The following XYLT1 variants were observed in gnomAD, a reference collection of about 807,000 sequenced individuals.
XYLT1 encodes xylosyltransferase 1.
In XYLT1, 36 loss-of-function variants were observed where a neutral mutation model predicts 91.3. The observed-to-expected ratio is 0.39, with a 90% CI of 0.30 to 0.52. The LOEUF is 0.52. XYLT1 is among the 20% of genes least tolerant of loss of function. The pLI is 0.68. For synonymous variants in XYLT1, 588 were observed against 532.0 expected, an observed-to-expected ratio of 1.11 and a Z score of -1.45; for missense variants, 1,242 against 1,284.5, an observed-to-expected ratio of 0.97 and a Z score of 0.51.
At chr16:17,346,833 T>C (rs560687059) in intron 2 of XYLT1, among the ~76,000 whole-genome samples, 38 of 152,332 alleles carry the variant, frequency 2.5e-4, no homozygotes, top group African/African-American at 9.1e-4. Context: ...ACTGCATTTC[T>C]GTCCTCGACC....
intron 2 of XYLT1, chr16:17,355,498 G>A (rs1332072882): frequency 6.6e-6 from 1 of 152,148 alleles, no homozygotes; most frequent in Non-Finnish European, 1.5e-5. Flanking sequence ...GGTAGACTGG[G>A]TAGAGACACG....
chr16:17,126,212 C>G (rs2030255393), intron 10 of XYLT1, among the ~76,000 whole-genome samples: 1 of 152,312 alleles, frequency 6.6e-6, no homozygotes, highest in African/African-American at 2.4e-5. Context: ...GACCATCCCC[C>G]AAAAGCACTA....
chr16:17,440,414 T>C (rs1199337953), intron 1 of XYLT1, among the ~76,000 whole-genome samples: 2 of 152,212 alleles, frequency 1.3e-5, no homozygotes, highest in Non-Finnish European at 2.9e-5. Context: ...GGATGAGAAT[T>C]TTCATGTACA....
chr16:17,235,625 G>C (rs929067388), intron 3 of XYLT1, among the ~76,000 whole-genome samples: 3 of 152,346 alleles, frequency 2.0e-5, no homozygotes, highest in Non-Finnish European at 4.4e-5. Context: ...AGGATACTGA[G>C]TGGGGAATTA....
At chr16:17,331,203 G>C (rs538589845) in intron 2 of XYLT1, among the ~76,000 whole-genome samples, 1 of 152,360 alleles carries the variant, frequency 6.6e-6, no homozygotes, top group Non-Finnish European at 1.5e-5. Context: ...GATGACTCAA[G>C]CTACAGCACA....
intron 10 of XYLT1, 64 bp from the exon 11 acceptor site, chr16:17,118,043 G>T (rs2029908565): frequency 1.3e-5 from 20 of 1,504,746 alleles, no homozygotes; most frequent in Non-Finnish European, 1.8e-5. Context: ...TCTCAGAAAG[G>T]TCTAGGATCC....
intron 5 of XYLT1, among the ~76,000 whole-genome samples, chr16:17,196,699 C>A (rs956089424): frequency 4.6e-5 from 7 of 152,162 alleles, no homozygotes; most frequent in Admixed American, 6.5e-5. Context: ...CCTCTTCACC[C>A]CCATCCACTT....
intron 2 of XYLT1, among the ~76,000 whole-genome samples, chr16:17,279,237 G>A (rs2034021705): frequency 6.6e-6 from 1 of 152,244 alleles, no homozygotes; most frequent in East Asian, 1.9e-4. Flanking sequence ...TTTTGAAGCT[G>A]TGTGACCTTG....
rs992049096 is a variant in XYLT1 at position 17,196,420 on chromosome 16, T to C, written c.1289+1792A>G. Among the ~76,000 whole-genome samples, 3 of 152,250 alleles carry C rather than the reference T, an allele frequency of 2.0e-5. 1 individual carries two copies. The highest frequency in any genetic ancestry group is 6.3e-3 in the Middle Eastern group (2 of 316). On this transcript the variant is annotated intron_variant, in intron 5 of 11. Transcript: ENST00000261381. ...TCTTTTCTAGATATATACTGAAATA[T>C]TTATAGATACAATTCTGTGATATCT...
At chr16:17,249,714 G>A (rs576233164) in intron 3 of XYLT1, 1 of 152,856 alleles carries the variant, frequency 6.5e-6, no homozygotes, top group Non-Finnish European at 1.5e-5. Context: ...TGCCACCCAG[G>A]TTGGAGTGCA....
In XYLT1 at chr16:17,101,780, C is replaced by T; in HGVS notation, c.*6915G>A. ...ACCTATTCTACCTACATTCCATTGG[C>T]CTGAGTCAGTCACATGGCCATGGCT... is the stretch of plus-strand genomic sequence containing the variant. On this transcript the variant is annotated 3_prime_UTR_variant, in exon 12 of 12. Coordinates refer to ENST00000261381, the MANE Select transcript of XYLT1 (RefSeq NM_022166.4). 1 of 152,330 alleles carries T rather than the reference C, an allele frequency of 6.6e-6. No individual in the cohort carries two copies. The highest frequency in any genetic ancestry group is 1.5e-5 in the Non-Finnish European group (1 of 68,062). 9.4% of individuals were successfully genotyped at this position (152,330 alleles called of 1,614,324 possible).
At chr16:17,310,425 C>A (rs947527855) in intron 2 of XYLT1, among the ~76,000 whole-genome samples, 10 of 152,240 alleles carry the variant, frequency 6.6e-5, no homozygotes, top group African/African-American at 2.4e-4. Context: ...CACAGTCCCA[C>A]TCAGTGACTG....
chr16:17,120,400 C>G (rs1567280758), intron 10 of XYLT1, among the ~76,000 whole-genome samples: 1 of 152,064 alleles, frequency 6.6e-6, no homozygotes, highest in South Asian at 2.1e-4. Flanking sequence ...CTCCCTTCCA[C>G]TTGCTCCTTG....
At chr16:17,414,138 C>T (rs867488835) in intron 1 of XYLT1, among the ~76,000 whole-genome samples, 2 of 152,232 alleles carry the variant, frequency 1.3e-5, no homozygotes, top group Non-Finnish European at 1.5e-5. Context: ...TGTGGCCCTG[C>T]AAGCATGCTG....
In XYLT1 at chr16:17,157,240, C is replaced by T. The variant is rs577733580; in HGVS notation, c.1370+1589G>A. 2.6e-5 allele frequency among the ~76,000 whole-genome samples: 4 copies of T among 152,268 alleles called. No individual in the cohort carries two copies. The East Asian group carries it at 5.8e-4, about 22-fold the overall frequency. ...TGGGATTACAGGCCTTGAGTCACGG[C>T]ACCTGGCCAGATTACTTCTTTAAAG... On this transcript the variant is annotated intron_variant, in intron 6 of 11. Transcript: ENST00000261381.
intron 1 of XYLT1, among the ~76,000 whole-genome samples, chr16:17,358,708 A>G (rs1399432950): frequency 1.3e-5 from 2 of 152,158 alleles, no homozygotes; most frequent in Non-Finnish European, 2.9e-5. Flanking sequence ...GTGTATCCAA[A>G]CCCTCTATAA....
Position 17,224,499 on chromosome 16 carries a change from T to C in XYLT1, c.914-23845A>G, listed in dbSNP as rs544935127. Among the ~76,000 whole-genome samples the C allele has an allele frequency of 3.9e-5, 6 of 152,340 alleles. No individual in the cohort carries two copies. In the South Asian group the frequency reaches 1.2e-3, roughly 32 times the overall value. ...AAAGATTACTCAGTGTACGTGCACT[T>C]GTTAGCAGATGCAGGGAAGCTATCA... is the stretch of plus-strand genomic sequence containing the variant. On this transcript the variant is annotated intron_variant, in intron 3 of 11. Transcript: ENST00000261381.
intron 1 of XYLT1, among the ~76,000 whole-genome samples, chr16:17,408,024 G>A (rs2036056025): frequency 6.6e-6 from 1 of 152,222 alleles, no homozygotes. Context: ...GAGTGAAGCT[G>A]TCGGAGGCCC....
chr16:17,259,337 T>A lies in XYLT1; in HGVS notation c.564A>T (p.Arg188Ser), dbSNP rs1378734755. Residue 188 changes from arginine to serine, a missense_variant, in exon 3 of 12, where the codon AGA becomes AGT. Around this residue, in one of 3 missense-constraint regions of XYLT1, gnomAD observed 437 missense variants for 411.5 expected, o/e 1.06. Coordinates refer to ENST00000261381, the MANE Select transcript of XYLT1 (RefSeq NM_022166.4). ...GCTTCCTTTTCAAAAGCTCCTTCTG[T>A]CTACTCGGTGGCTTCTTCGCCAACT... ...QPELAKKPPS[R>S]QKELLKRKLE... 1 of 1,614,044 alleles carries A rather than the reference T, an allele frequency of 6.2e-7. No individual in the cohort carries two copies. Among genetic ancestry groups the A allele is most frequent in the African/African-American group, 1.3e-5 (1 of 74,920 alleles).
Sources: allele counts gnomAD v4.1 joint callset (sites outside exome capture counted in the v4.1 genomes callset), GRCh38; gene constraint gnomAD v4.1.1; regional missense constraint gnomAD v4.1.1; transcripts MANE v1.5; gene names NCBI Gene and HGNC (gene_info 2026-07-23, HGNC 2026-07-21).